The following NRP1 variants were observed in gnomAD, a reference collection of about 807,000 sequenced individuals.
The protein encoded by NRP1 is neuropilin-1.
A neutral mutation model predicts 106.7 loss-of-function variants in NRP1; 35 were observed. The ratio of observed to expected loss-of-function variants is 0.33; its 90% CI spans 0.25 to 0.43. NRP1 has a LOEUF of 0.43. Among genes scored for constraint, NRP1 ranks in the 20% least tolerant of loss-of-function variants. The pLI is 1.00. For missense variants in NRP1, 1,024 were observed against 1,170.4 expected (o/e 0.87, Z 1.83); for synonymous variants, 437 against 417.9 (o/e 1.05, Z -0.56).
At position 33,182,833 on chromosome 10, in the gene NRP1, G is replaced by GCGCACACACA. The variant is rs374584878; in HGVS notation, c.2432-86_2432-85insTGTGTGTGCG. 6.7e-3 allele frequency: 5,033 copies of GCGCACACACA among 746,314 alleles called. 34 individuals carry two copies. Among genetic ancestry groups the GCGCACACACA allele is most frequent in the East Asian group, 0.024 (894 of 37,388 alleles). The allele number at this position is 746,314 out of a possible 1,614,324, so 46.2% of individuals were successfully genotyped here. A position where few individuals can be genotyped will look rare whatever the true frequency, so the allele number is the denominator to read the frequency against. On this transcript the variant is annotated intron_variant, in intron 15 of 16. Coordinates refer to ENST00000374867, the MANE Select transcript of NRP1 (RefSeq NM_003873.7). ...AAACTACACAAACCTTTAGGTACAT[G>GCGCACACACA]CACACACACACACACACACACACAC...
rs556220323 is a variant in NRP1 at position 33,205,706 on chromosome 10, C to T, written c.1759+1866G>A. The T allele has an allele frequency of 1.5e-3, 226 of 155,484 alleles. 1 individual carries two copies. The highest frequency in any genetic ancestry group is 2.6e-3 in the Non-Finnish European group (181 of 70,094). The allele number at this position is 155,484 out of a possible 1,614,324, so 9.6% of individuals were successfully genotyped here. ...GTGGTGCCAGCTGATCCATCAAGTA[C>T]AGGGTCTGGAAAATATCTGAAGCAC... On this transcript the variant is annotated intron_variant, in intron 10 of 16. Transcript: ENST00000374867.
intron 2 of NRP1, among the ~76,000 whole-genome samples, chr10:33,277,735 T>C (rs1843812934): frequency 1.3e-5 from 2 of 152,240 alleles, no homozygotes; most frequent in Non-Finnish European, 2.9e-5. Context: ...AAATAAAGAA[T>C]AATAATAAAG....
At chr10:33,261,992 T>A (rs1412093764) in intron 4 of NRP1, among the ~76,000 whole-genome samples, 4 of 152,210 alleles carry the variant, frequency 2.6e-5, no homozygotes, top group African/African-American at 9.6e-5. Context: ...TGCCTTGGCC[T>A]CCCAAAGTGT....
intron 11 of NRP1, among the ~76,000 whole-genome samples, chr10:33,199,120 G>A (rs1837020298): frequency 6.6e-6 from 1 of 151,948 alleles, no homozygotes; most frequent in African/African-American, 2.4e-5. Context: ...TCACCAGAAT[G>A]CTTGTTGAAA....
At position 33,302,696 on chromosome 10, in the gene NRP1, T is replaced by A. The variant is rs1466815445; in HGVS notation, c.248+28012A>T. Among the ~76,000 whole-genome samples the A allele has an allele frequency of 2.0e-5, 3 of 152,282 alleles. No homozygotes were observed. In the South Asian group the frequency reaches 6.2e-4, roughly 32 times the overall value. On this transcript the variant is annotated intron_variant, in intron 2 of 16. Transcript: ENST00000374867. ...AGCAATGGCCCTGGCAGGGGTCCCC[T>A]CCTGGTTAGCAGCCAGGGAGGGTGA...
chr10:33,334,610 T>G lies in NRP1; in HGVS notation c.-228A>C. 1 of 262,182 alleles carries G rather than the reference T, an allele frequency of 3.8e-6. No homozygotes were observed. 16.2% of individuals were successfully genotyped at this position (262,182 alleles called of 1,614,324 possible). A position where few individuals can be genotyped will look rare whatever the true frequency, so the allele number is the denominator to read the frequency against. Reference sequence around the variant, plus strand: ...TGCATCCTGTCATTTAGCTCCGGCTTCCTCTCCCTTTTCCCACACTTGTTC... The same window carrying G: ...TGCATCCTGTCATTTAGCTCCGGCTGCCTCTCCCTTTTCCCACACTTGTTC... On this transcript the variant is annotated 5_prime_UTR_variant, in exon 1 of 17. Transcript: ENST00000374867.
At chr10:33,211,227 C>T (rs1050444521) in intron 9 of NRP1, 1 of 152,184 alleles carries the variant, frequency 6.6e-6, no homozygotes, top group Non-Finnish European at 1.5e-5. Flanking sequence ...GTGATGCATC[C>T]TATCAAAAGC....
intron 2 of NRP1, among the ~76,000 whole-genome samples, chr10:33,320,097 G>A (rs1174653364): frequency 6.6e-6 from 1 of 151,688 alleles, no homozygotes; most frequent in Admixed American, 6.6e-5. Flanking sequence ...CGGATCACCT[G>A]AGGTCAGGAG....
chr10:33,231,772 G>A (rs1013474775), intron 6 of NRP1, among the ~76,000 whole-genome samples: 17 of 152,296 alleles, frequency 1.1e-4, no homozygotes, highest in African/African-American at 3.8e-4. Flanking sequence ...GGAGGTGAGG[G>A]GAGCTGATTT....
At chr10:33,204,890 C>A (rs906507103) in intron 10 of NRP1, among the ~76,000 whole-genome samples, 1 of 152,084 alleles carries the variant, frequency 6.6e-6, no homozygotes, top group African/African-American at 2.4e-5. Context: ...CACCAACACA[C>A]CCAGCTAATT....
intron 1 of NRP1, among the ~76,000 whole-genome samples, chr10:33,332,817 A>G (rs1445982790): frequency 1.3e-5 from 2 of 152,152 alleles, no homozygotes; most frequent in Non-Finnish European, 2.9e-5. Flanking sequence ...TTTGCTGGTA[A>G]AGCTCAACAA....
At chr10:33,292,801 A>T (rs1845097143) in intron 2 of NRP1, among the ~76,000 whole-genome samples, 1 of 152,176 alleles carries the variant, frequency 6.6e-6, no homozygotes, top group South Asian at 2.1e-4. Flanking sequence ...CAGCCTGGCC[A>T]ACATGGTGAA....
chr10:33,217,794 A>G (rs1000265045), intron 8 of NRP1, among the ~76,000 whole-genome samples: 5 of 152,234 alleles, frequency 3.3e-5, no homozygotes, highest in Non-Finnish European at 5.9e-5. Context: ...AGACCACTTC[A>G]GGATGGAAGG....
At chr10:33,207,005 T>C (rs1316445609) in intron 10 of NRP1, among the ~76,000 whole-genome samples, 3 of 152,218 alleles carry the variant, frequency 2.0e-5, no homozygotes, top group Admixed American at 2.0e-4. Context: ...TCCAGAATAA[T>C]GTCTTGATGT....
intron 13 of NRP1, among the ~76,000 whole-genome samples, chr10:33,189,488 A>G (rs1438382551): frequency 6.6e-6 from 1 of 152,192 alleles, no homozygotes; most frequent in African/African-American, 2.4e-5. Context: ...CTTCCCAACC[A>G]TGATCAGACT....
chr10:33,201,614 A>G (rs1837314941), intron 11 of NRP1: 1 of 152,144 alleles, frequency 6.6e-6, no homozygotes, highest in South Asian at 2.1e-4. Flanking sequence ...ATGTCTCTGC[A>G]TTAATTAATC....
chr10:33,286,782 T>C (rs1216863136), intron 2 of NRP1, among the ~76,000 whole-genome samples: 10 of 152,190 alleles, frequency 6.6e-5, no homozygotes, highest in Non-Finnish European at 1.3e-4. Context: ...TTAGTTGCTA[T>C]GCTGAATTTT....
chr10:33,216,142 T>TTC (rs894629848), intron 8 of NRP1, among the ~76,000 whole-genome samples: 2 of 147,438 alleles, frequency 1.4e-5, no homozygotes, highest in African/African-American at 4.9e-5. Flanking sequence ...CTTTCTTTCT[T>TTC]TTTTTTTTTT....
intron 2 of NRP1, among the ~76,000 whole-genome samples, chr10:33,299,408 C>CA (rs1845641851): frequency 6.6e-6 from 1 of 152,196 alleles, no homozygotes; most frequent in African/African-American, 2.4e-5. Context: ...TGCCTCTGAT[C>CA]CTTGCCTGAC....
Sources: gnomAD v4.1 joint callset for allele counts (sites outside exome capture counted in the v4.1 genomes callset) on GRCh38, gnomAD v4.1.1 for gene constraint, MANE v1.5 for transcripts, NCBI Gene and HGNC (gene_info 2026-07-23, HGNC 2026-07-21) for gene names.